CUBN: variants seen among roughly 807,000 people sequenced by gnomAD.
CUBN encodes the protein 460 kDa receptor.
A neutral mutation model predicts 405.3 loss-of-function variants in CUBN; 282 were observed. The observed-to-expected ratio is 0.70, with a 90% CI of 0.63 to 0.77. The LOEUF is 0.77. Among genes scored for constraint, CUBN ranks in the 30% least tolerant of loss-of-function variants. The pLI is 0.00. For missense variants in CUBN, 4,514 were observed against 4,475.2 expected (o/e 1.01, Z -0.25); for synonymous variants, 1,684 against 1,617.0 (o/e 1.04, Z -0.99).
intron 59 of CUBN, among the ~76,000 whole-genome samples, chr10:16,867,046 G>A (rs1160473456): frequency 1.3e-5 from 2 of 152,184 alleles, no homozygotes; most frequent in African/African-American, 2.4e-5. Flanking sequence ...ATTGCCAAGT[G>A]TATAATCTAA....
intron 59 of CUBN, among the ~76,000 whole-genome samples, chr10:16,859,238 A>C (rs1272084893): frequency 6.6e-6 from 1 of 152,246 alleles, no homozygotes; most frequent in African/African-American, 2.4e-5. Context: ...ACAAAGGATC[A>C]TTGATTGAGA....
chr10:16,962,800 C>T (rs1443441065), intron 31 of CUBN, among the ~76,000 whole-genome samples: 3 of 152,188 alleles, frequency 2.0e-5, no homozygotes, highest in Non-Finnish European at 4.4e-5. Context: ...ACCCTGTGTA[C>T]ATTCACATGA....
chr10:17,016,778 G>A (rs566502702), intron 28 of CUBN, among the ~76,000 whole-genome samples: 1 of 152,250 alleles, frequency 6.6e-6, no homozygotes, highest in East Asian at 1.9e-4. Flanking sequence ...AGGGAGCGGA[G>A]CTATAGGGAG....
chr10:16,967,893 CAGAG>C (rs1375855304), intron 31 of CUBN, among the ~76,000 whole-genome samples: 3 of 82,532 alleles, frequency 3.6e-5, no homozygotes, highest in Non-Finnish European at 5.1e-5. Flanking sequence ...GAAGGAGAGA[CAGAG>C]GGAGAGAGAG....
chr10:17,118,984 T>C (rs1836969499), intron 6 of CUBN, among the ~76,000 whole-genome samples: 1 of 152,236 alleles, frequency 6.6e-6, no homozygotes, highest in Non-Finnish European at 1.5e-5. Context: ...TAGGCTTTTC[T>C]TTGAAAACAC....
At chr10:17,073,529 C>T (rs1038743712) in intron 17 of CUBN, among the ~76,000 whole-genome samples, 21 of 149,980 alleles carry the variant, frequency 1.4e-4, no homozygotes, top group African/African-American at 4.7e-4. Context: ...TCACCGCAAC[C>T]TCTGCCTCCT....
In CUBN at chr10:16,838,789, C is replaced by T. The variant is rs557073377; in HGVS notation, c.10032+1541G>A. 8.5e-5 allele frequency among the ~76,000 whole-genome samples: 13 copies of T among 152,240 alleles called. No homozygotes were observed. In the South Asian group the frequency reaches 1.5e-3, roughly 17 times the overall value. On this transcript the variant is annotated intron_variant, in intron 62 of 66. Transcript: ENST00000377833. ...CCTCCTGAGTAGCTGGGATTACAAG[C>T]GCACACCACTGCACCCAGCTAATTT... is the stretch of plus-strand genomic sequence containing the variant.
At chr10:16,996,368 C>A (rs1335964963) in intron 28 of CUBN, among the ~76,000 whole-genome samples, 3 of 152,222 alleles carry the variant, frequency 2.0e-5, no homozygotes. Context: ...AACTCTCACT[C>A]ATCTGCCGAA....
chr10:16,957,262 C>T (rs1843090150), intron 31 of CUBN, among the ~76,000 whole-genome samples: 1 of 152,198 alleles, frequency 6.6e-6, no homozygotes, highest in Non-Finnish European at 1.5e-5. Flanking sequence ...CATTTTTACA[C>T]TCCACAAATG....
chr10:17,072,521 A>C (rs117051589), intron 17 of CUBN, among the ~76,000 whole-genome samples: 1 of 152,168 alleles, frequency 6.6e-6, no homozygotes, highest in East Asian at 1.9e-4. Flanking sequence ...AATTGGAGAC[A>C]GCCTAGGCAA....
chr10:17,055,579 A>G (rs1234748367), intron 22 of CUBN, among the ~76,000 whole-genome samples: 1 of 152,162 alleles, frequency 6.6e-6, no homozygotes, highest in Non-Finnish European at 1.5e-5. Context: ...TGCAGAATAC[A>G]AGATATGTAT....
At chr10:16,973,090 G>T (rs1832982513) in intron 31 of CUBN, among the ~76,000 whole-genome samples, 1 of 152,082 alleles carries the variant, frequency 6.6e-6, no homozygotes. Context: ...TTCTTAACTG[G>T]AGCAGAAGAG....
intron 21 of CUBN, among the ~76,000 whole-genome samples, chr10:17,067,832 T>A (rs891688237): frequency 6.6e-6 from 1 of 152,074 alleles, no homozygotes; most frequent in South Asian, 2.1e-4. Context: ...TTGTGGGTAG[T>A]GGATATATGC....
chr10:16,985,549 T>C (rs964215697), intron 29 of CUBN, among the ~76,000 whole-genome samples: 3 of 152,192 alleles, frequency 2.0e-5, no homozygotes, highest in African/African-American at 7.2e-5. Flanking sequence ...ACTGAGCTGG[T>C]TAACACTTGA....
At chr10:17,038,096 G>A (rs1031050790) in intron 27 of CUBN, among the ~76,000 whole-genome samples, 31 of 151,998 alleles carry the variant, frequency 2.0e-4, no homozygotes, top group Admixed American at 4.6e-4. Context: ...GAGCCACCGT[G>A]CCCAGCCACA....
chr10:17,061,608 A>T (rs1202764872), intron 22 of CUBN, among the ~76,000 whole-genome samples: 2 of 152,186 alleles, frequency 1.3e-5, no homozygotes, highest in African/African-American at 4.8e-5. Flanking sequence ...CTGATAAAAA[A>T]CAGCACTAAC....
chr10:16,927,438 T>C (rs1842224712), intron 41 of CUBN, among the ~76,000 whole-genome samples: 1 of 152,218 alleles, frequency 6.6e-6, no homozygotes, highest in African/African-American at 2.4e-5. Flanking sequence ...ACAACTTATC[T>C]TCAGTTGCTC....
chr10:16,914,428 G>C (rs1039382015), intron 47 of CUBN, among the ~76,000 whole-genome samples: 4 of 152,006 alleles, frequency 2.6e-5, no homozygotes, highest in African/African-American at 7.2e-5. Context: ...GCGTCGTGGC[G>C]TGCGCCTGTA....
intron 34 of CUBN, 76 bp downstream of exon 34, chr10:16,949,925 G>A: frequency 9.4e-7 from 1 of 1,061,254 alleles, no homozygotes; most frequent in Non-Finnish European, 1.4e-6. Flanking sequence ...ACCTAGAATG[G>A]CAGCCTATAA....
Sources: gnomAD v4.1 joint callset for allele counts (sites outside exome capture counted in the v4.1 genomes callset) on GRCh38, gnomAD v4.1.1 for gene constraint, MANE v1.5 for transcripts, NCBI Gene and HGNC (gene_info 2026-07-23, HGNC 2026-07-21) for gene names.